Variants in PLIN1 observed in about 807,000 individuals in gnomAD.
The protein encoded by PLIN1 is perilipin-1.
Under a neutral mutation model 45.8 loss-of-function variants are expected in PLIN1, and 37 were observed. The observed-to-expected ratio is 0.81, with a 90% CI of 0.62 to 1.06. The LOEUF is 1.06. Ranked by LOEUF, PLIN1 falls within the 50% of genes least tolerant of loss-of-function variation. The probability of loss-of-function intolerance (pLI) is 0.00; values close to 1 mark genes in which losing one functional copy is unlikely to be tolerated. For synonymous variants in PLIN1, 340 were observed against 309.2 expected, an observed-to-expected ratio of 1.10 and a Z score of -1.05; for missense variants, 776 against 716.5, an observed-to-expected ratio of 1.08 and a Z score of -0.95.
At chr15:89,668,026 C>T (rs1964381499) in intron 6 of PLIN1, among the ~76,000 whole-genome samples, 3 of 152,232 alleles carry the variant, frequency 2.0e-5, no homozygotes, top group Non-Finnish European at 4.4e-5. Context: ...GTGTAACCAC[C>T]ACAGATCAAG....
rs1596037484 is a variant in PLIN1 at position 89,665,003 on chromosome 15, G to GCACT, written c.*579_*580insAGTG. The GCACT allele has an allele frequency of 2.2e-6, 1 of 447,740 alleles. No individual in the cohort carries two copies. Among genetic ancestry groups the GCACT allele is most frequent in the East Asian group, 7.0e-5 (1 of 14,300 alleles). 27.7% of individuals were successfully genotyped at this position (447,740 alleles called of 1,614,324 possible). A position where few individuals can be genotyped will look rare whatever the true frequency, so the allele number is the denominator to read the frequency against. ...GTGAAGCGGCGGGTACTCAGAAAGT[G>GCACT]ACACTAGTATTTTAAATAAACACCC... is the stretch of plus-strand genomic sequence containing the variant. On this transcript the variant is annotated 3_prime_UTR_variant, in exon 9 of 9. Transcript: ENST00000300055.
chr15:89,668,722 G>A (rs913232449), intron 6 of PLIN1, among the ~76,000 whole-genome samples: 1 of 152,056 alleles, frequency 6.6e-6, no homozygotes, highest in African/African-American at 2.4e-5. Flanking sequence ...CTCAGTCTCA[G>A]CTGTTATTGA....
In PLIN1 at chr15:89,666,921, A is replaced by C; in HGVS notation, c.1209+15T>G. ...CCCCTTGGGACACTAACAGTTTGCC[A>C]GGGGTGGTACTCACCGGCACGTAAT... is the stretch of plus-strand genomic sequence containing the variant. On this transcript the variant is annotated intron_variant, in intron 8 of 8. Coordinates refer to ENST00000300055, the MANE Select transcript of PLIN1 (RefSeq NM_002666.5). 1.2e-6 allele frequency: 2 copies of C among 1,613,712 alleles called. No homozygotes were observed. The highest frequency in any genetic ancestry group is 1.7e-6 in the Non-Finnish European group (2 of 1,179,832).
intron 5 of PLIN1, among the ~76,000 whole-genome samples, 154 bp from the exon 6 acceptor site, chr15:89,669,826 T>TG (rs1964409228): frequency 6.4e-4 from 5 of 7,770 alleles, no homozygotes; most frequent in African/African-American, 3.0e-3. Flanking sequence ...ACAGATGGGG[T>TG]GGGGGTGGGG....
In PLIN1 at chr15:89,667,742, G is replaced by C. The variant is rs531935826; in HGVS notation, c.823C>G (p.Arg275Gly). The C allele has an allele frequency of 3.8e-6, 6 of 1,567,294 alleles. No individual in the cohort carries two copies. The Admixed American group carries it at 1.2e-4, about 30-fold the overall frequency. Residue 275 changes from arginine to glycine, a missense_variant, in exon 7 of 9, where the codon CGG becomes GGG. Coordinates refer to ENST00000300055, the MANE Select transcript of PLIN1 (RefSeq NM_002666.5). ...ASVAMQAVSR[R>G]RSEVRVPWLH... ...CAGGGTACCCGCACTTCGCTCCTCCGCCGGGACACCGCCTGCATGGCCACT... is the reference window on the plus strand; with the variant it reads ...CAGGGTACCCGCACTTCGCTCCTCCCCCGGGACACCGCCTGCATGGCCACT...
intron 2 of PLIN1, among the ~76,000 whole-genome samples, chr15:89,675,091 C>T (rs914536314): frequency 2.6e-5 from 4 of 151,986 alleles, no homozygotes; most frequent in South Asian, 2.1e-4. Context: ...ACCACAGCCT[C>T]GATGACAGAA....
intron 6 of PLIN1, among the ~76,000 whole-genome samples, chr15:89,669,130 T>C (rs1964396290): frequency 6.6e-6 from 1 of 152,128 alleles, no homozygotes; most frequent in South Asian, 2.1e-4. Context: ...AGTGCTTGCA[T>C]AGCAGATGGA....
Position 89,665,755 on chromosome 15 carries a change from G to C in PLIN1, c.1397C>G (p.Pro466Arg), listed in dbSNP as rs539381190. 3.8e-6 allele frequency: 5 copies of C among 1,323,336 alleles called. No individual in the cohort carries two copies. The highest frequency in any genetic ancestry group is 3.2e-5 in the East Asian group (1 of 31,602). The allele number at this position is 1,323,336 out of a possible 1,614,324, so 82.0% of individuals were successfully genotyped here. A position where few individuals can be genotyped will look rare whatever the true frequency, so the allele number is the denominator to read the frequency against. The change falls in exon 9 of 9, where the codon CCC becomes CGC. Residue 466 changes from proline (P) to arginine (R), a missense_variant. Coordinates refer to ENST00000300055, the MANE Select transcript of PLIN1 (RefSeq NM_002666.5). ...GACTTCGTCCTCCAGGCCCGGGCCG[G>C]GGGGCGCGCCGGGGCTCTGCGCGCT... is the stretch of plus-strand genomic sequence containing the variant. ...LRSAQSPGAP[P>R]GPGLEDEVAT...
At chr15:89,675,146 A>C (rs1190086434) in intron 2 of PLIN1, among the ~76,000 whole-genome samples, 4 of 152,032 alleles carry the variant, frequency 2.6e-5, no homozygotes, top group African/African-American at 9.7e-5. Flanking sequence ...ACAACACTCA[A>C]AGACAGCACT....
At chr15:89,669,958 C>T (rs376048669) in intron 5 of PLIN1, 22 bp downstream of exon 5, 35 of 1,602,652 alleles carry the variant, frequency 2.2e-5, no homozygotes, top group Non-Finnish European at 2.7e-5. Context: ...ACTCCCAGGC[C>T]GAGCCTCCGA....
At chr15:89,675,761 TCACCAACA>T (rs1294431378) in intron 2 of PLIN1, among the ~76,000 whole-genome samples, 1 of 152,100 alleles carries the variant, frequency 6.6e-6, no homozygotes, top group Non-Finnish European at 1.5e-5. Flanking sequence ...GTCAGCACTG[TCACCAACA>T]CTGAGTCGAT....
chr15:89,674,031 G>A (rs1344866192), intron 2 of PLIN1, among the ~76,000 whole-genome samples: 3 of 152,160 alleles, frequency 2.0e-5, no homozygotes, highest in Non-Finnish European at 4.4e-5. Context: ...CTGTGGTTAT[G>A]TGTGTTCATC....
Position 89,677,432 on chromosome 15 carries a change from C to T in PLIN1, c.45+13G>A. The T allele has an allele frequency of 6.2e-7, 1 of 1,610,688 alleles. No individual in the cohort carries two copies. Among genetic ancestry groups the T allele is most frequent in the Non-Finnish European group, 8.5e-7 (1 of 1,176,860 alleles). ...TGTCCATCCCCTGTCACAGATGAGC[C>T]CAAGTTACTTACAGGGAGGTCTCCA... On this transcript the variant is annotated intron_variant, in intron 2 of 8. Coordinates refer to ENST00000300055, the MANE Select transcript of PLIN1 (RefSeq NM_002666.5).
chr15:89,672,495 A>G (rs949432282), intron 3 of PLIN1, among the ~76,000 whole-genome samples: 6 of 152,354 alleles, frequency 3.9e-5, no homozygotes, highest in Admixed American at 6.5e-5. Flanking sequence ...GCCTGGGCCT[A>G]CTTCACATCG....
chr15:89,676,260 GT>G (rs1445148441), intron 2 of PLIN1, among the ~76,000 whole-genome samples: 1 of 151,318 alleles, frequency 6.6e-6, no homozygotes, highest in Non-Finnish European at 1.5e-5. Flanking sequence ...TTGTTTGTTT[GT>G]TTTTTTGAGA....
In PLIN1 at chr15:89,671,510, A is replaced by C; in HGVS notation, c.305T>G (p.Ile102Ser). The C allele has an allele frequency of 1.3e-6, 2 of 1,575,050 alleles. No homozygotes were observed. Among genetic ancestry groups the C allele is most frequent in the Non-Finnish European group, 1.7e-6 (2 of 1,159,810 alleles). The change falls in exon 4 of 9, where the codon ATC becomes AGC. Residue 102 changes from isoleucine to serine, a missense_variant. By Grantham distance (142) the Ile-to-Ser change is moderately radical. Coordinates refer to ENST00000300055, the MANE Select transcript of PLIN1 (RefSeq NM_002666.5). ...TTCAGGGGGGTACTGGAGGGCGGGG[A>C]TCTTTTCCTCCAGGTGGTCCAAGCC... ...CRGLDHLEEK[I>S]PALQYPPEKI...
Position 89,666,924 on chromosome 15 carries a change from G to A in PLIN1, c.1209+12C>T. The A allele has an allele frequency of 6.2e-7, 1 of 1,613,778 alleles. No individual in the cohort carries two copies. The highest frequency in any genetic ancestry group is 8.5e-7 in the Non-Finnish European group (1 of 1,179,880). On this transcript the variant is annotated intron_variant, in intron 8 of 8. Transcript: ENST00000300055. ...CTTGGGACACTAACAGTTTGCCAGGGGTGGTACTCACCGGCACGTAATGCA... is the reference window on the plus strand; with the variant it reads ...CTTGGGACACTAACAGTTTGCCAGGAGTGGTACTCACCGGCACGTAATGCA...
rs768613711 is a variant in PLIN1, at chr15:89,665,913, C to T, written c.1239G>A (p.Glu413=). The change falls in exon 9 of 9, where the codon GAG becomes GAA. Residue 413 remains glutamate (E), a synonymous_variant. Coordinates refer to ENST00000300055, the MANE Select transcript of PLIN1 (RefSeq NM_002666.5). ...GGTTGTCGATGTCCCGGAATTCGCT[C>T]TCGGGCTCCATCAGCGACAGCCTGG... The part of the protein sequence containing the change: ...PLPRLSLMEP[E]SEFRDIDNPP... The T allele has an allele frequency of 1.3e-6, 2 of 1,535,514 alleles. No individual in the cohort carries two copies. Among genetic ancestry groups the T allele is most frequent in the South Asian group, 1.2e-5 (1 of 83,142 alleles).
In PLIN1 at chr15:89,669,688, G is replaced by T. The variant is rs1418000627; in HGVS notation, c.599-16C>A. The T allele has an allele frequency of 1.9e-6, 3 of 1,613,102 alleles. No homozygotes were observed. Among genetic ancestry groups the T allele is most frequent in the Non-Finnish European group, 1.7e-6 (2 of 1,179,526 alleles). ...GGAGCAGGGGCTGGGTAGGGATTTGGGGGGAAAGAAGAGAAAACAGGTCAG... is the reference window on the plus strand; with the variant it reads ...GGAGCAGGGGCTGGGTAGGGATTTGTGGGGAAAGAAGAGAAAACAGGTCAG... On this transcript the variant is annotated splice_polypyrimidine_tract_variant and intron_variant, in intron 5 of 8. Coordinates refer to ENST00000300055, the MANE Select transcript of PLIN1 (RefSeq NM_002666.5).
Sources: allele counts gnomAD v4.1 joint callset (sites outside exome capture counted in the v4.1 genomes callset), GRCh38; gene constraint gnomAD v4.1.1; transcripts MANE v1.5; gene names NCBI Gene and HGNC (gene_info 2026-07-23, HGNC 2026-07-21).